WDR18: variants seen among roughly 807,000 people sequenced by gnomAD.
WDR18 encodes WD repeat domain 18.
WDR18 carries 33 observed loss-of-function variants against 49.6 expected under a neutral mutation model. That is an observed-to-expected ratio of 0.67 (90% confidence interval 0.50 to 0.89). WDR18 has a LOEUF of 0.89. Among genes scored for constraint, WDR18 ranks in the 40% least tolerant of loss-of-function variants. WDR18 has a pLI of 0.00. For missense variants in WDR18, 653 were observed against 593.6 expected (o/e 1.10, Z -1.04); for synonymous variants, 315 against 263.6 (o/e 1.19, Z -1.89).
chr19:986,520 C>T (rs980113178), intron 2 of WDR18, among the ~76,000 whole-genome samples: 5 of 152,300 alleles, frequency 3.3e-5, no homozygotes, highest in Non-Finnish European at 5.9e-5. Context: ...CCACCCGCCT[C>T]GGCCCCCCAG....
In WDR18 at chr19:990,229, G is replaced by T. The variant is rs1197614932; in HGVS notation, c.462G>T (p.Leu154=). 1 of 1,597,450 alleles carries T rather than the reference G, an allele frequency of 6.3e-7. No individual in the cohort carries two copies. Among genetic ancestry groups the T allele is most frequent in the African/African-American group, 1.3e-5 (1 of 74,946 alleles). The part of the protein sequence containing the change: ...LVLVWSLCSV[L]QADPSRIPAP... ...CCTGCCCCACCCCGCTCAGCGTGCT[G>T]CAGGCCGACCCCTCCAGGATTCCGG... The change falls in exon 4 of 10, where the codon CTG becomes CTT. Residue 154 remains leucine, a synonymous_variant. Coordinates refer to ENST00000585809, the MANE Select transcript of WDR18 (RefSeq NM_024100.4).
Position 990,253 on chromosome 19 carries a change from G to C in WDR18, c.486G>C (p.Pro162=). 6.3e-7 allele frequency: 1 copy of C among 1,598,674 alleles called. No homozygotes were observed. Among genetic ancestry groups the C allele is most frequent in the Non-Finnish European group, 8.5e-7 (1 of 1,179,182 alleles). The change falls in exon 4 of 10, where the codon CCG becomes CCC. Residue 162 remains proline, a synonymous_variant. Transcript: ENST00000585809. ...TGCAGGCCGACCCCTCCAGGATTCC[G>C]GCGCCCAGGCACGTCTGGTCTCACC... The part of the protein sequence containing the change: ...SVLQADPSRI[P]APRHVWSHHA...
chr19:988,641 G>A (rs946124491), intron 2 of WDR18, among the ~76,000 whole-genome samples: 4 of 152,192 alleles, frequency 2.6e-5, no homozygotes, highest in African/African-American at 7.2e-5. Flanking sequence ...CATCCTTGAG[G>A]CCAGACGTCC....
intron 2 of WDR18, among the ~76,000 whole-genome samples, chr19:987,069 A>G (rs1385565839): frequency 2.0e-5 from 3 of 152,216 alleles, no homozygotes; most frequent in Non-Finnish European, 4.4e-5. Flanking sequence ...GGGGATGGGC[A>G]TGGCGGCTCA....
chr19:990,563 C>A (rs2038531978), intron 4 of WDR18, 199 bp downstream of exon 4: 1 of 930,878 alleles, frequency 1.1e-6, no homozygotes, highest in Non-Finnish European at 1.5e-6. Context: ...CCGTTTCTGG[C>A]CCGGCTCCCT....
At position 985,937 on chromosome 19, in the gene WDR18, G is replaced by C. The variant is rs761796670; in HGVS notation, c.283G>C (p.Val95Leu). The change falls in exon 2 of 10, where the codon GTC (valine) becomes CTC (leucine). Residue 95 changes from valine to leucine, a missense_variant. Val to Leu is a conservative substitution (Grantham distance 32, BLOSUM62 1). Transcript: ENST00000585809. ...CLTASPNGLY[V>L]LAGVAESIHL... is the part of the protein sequence containing the mutation. ...GACTGCATCACCCAATGGTCTCTACGTCCTGGCAGGAGTTGCAGAAAGCAT... is the reference window on the plus strand; with the variant it reads ...GACTGCATCACCCAATGGTCTCTACCTCCTGGCAGGAGTTGCAGAAAGCAT... 22 of 1,613,852 alleles carry C rather than the reference G, an allele frequency of 1.4e-5. No homozygotes were observed. Among genetic ancestry groups the C allele is most frequent in the Non-Finnish European group, 1.9e-5 (22 of 1,179,986 alleles).
At chr19:992,335 C>T (rs2038570622) in intron 8 of WDR18, among the ~76,000 whole-genome samples, 2 of 152,240 alleles carry the variant, frequency 1.3e-5, no homozygotes, top group South Asian at 4.1e-4. Flanking sequence ...TTAACCACCC[C>T]TCTTCCCCCG....
intron 8 of WDR18, among the ~76,000 whole-genome samples, chr19:993,243 G>A (rs894838804): frequency 6.6e-6 from 1 of 152,220 alleles, no homozygotes; most frequent in Non-Finnish European, 1.5e-5. Flanking sequence ...CCAGCTCCAC[G>A]CTAGGGCGCC....
chr19:985,996 G>A, intron 2 of WDR18, 21 bp downstream of exon 2: 1 of 1,610,408 alleles, frequency 6.2e-7, no homozygotes, highest in Non-Finnish European at 8.5e-7. Flanking sequence ...CAAAGCGTGA[G>A]CGTTTCCCAC....
intron 1 of WDR18, among the ~76,000 whole-genome samples, 188 bp from the exon 2 acceptor site, chr19:985,677 C>T (rs992692782): frequency 6.6e-6 from 1 of 152,188 alleles, no homozygotes; most frequent in East Asian, 1.9e-4. Flanking sequence ...CCTCCAGCCT[C>T]GAAGCCTCTT....
intron 4 of WDR18, 77 bp from the exon 5 acceptor site, chr19:990,775 C>T: frequency 6.6e-7 from 1 of 1,515,278 alleles, no homozygotes; most frequent in Non-Finnish European, 8.8e-7. Flanking sequence ...CGCCTGACCT[C>T]CCTGGTGCCC....
rs3177032 is a variant in WDR18, at chr19:994,545, A to G, written c.*201A>G. 0.11 allele frequency: 84,079 copies of G among 751,484 alleles called. 5,366 individuals carry two copies. The highest frequency in any genetic ancestry group is 0.2 in the South Asian group (10,063 of 51,416). 46.6% of individuals were successfully genotyped at this position (751,484 alleles called of 1,614,324 possible). ...GGTGCTAGTCTGTTTTTAACAAAAG[A>G]GGATGAAAAGCCCCTCCTCTCCGGC... On this transcript the variant is annotated 3_prime_UTR_variant, in exon 10 of 10. Transcript: ENST00000585809.
intron 2 of WDR18, among the ~76,000 whole-genome samples, chr19:986,290 T>C (rs979676950): frequency 1.3e-5 from 2 of 152,172 alleles, no homozygotes; most frequent in Non-Finnish European, 2.9e-5. Context: ...GCCTGGCACT[T>C]GTGACTTGAA....
At position 992,135 on chromosome 19, in the gene WDR18, C is replaced by A; in HGVS notation, c.1098+14C>A. The A allele has an allele frequency of 6.9e-7, 1 of 1,447,516 alleles. No homozygotes were observed. The highest frequency in any genetic ancestry group is 9.0e-7 in the Non-Finnish European group (1 of 1,107,340). The allele number at this position is 1,447,516 out of a possible 1,614,324, so 89.7% of individuals were successfully genotyped here. ...CTCCACCAGCAGGTACGGCCCCCAGCAGGGAACCCCCACTGCCCTTTTGTC... is the reference window on the plus strand; with the variant it reads ...CTCCACCAGCAGGTACGGCCCCCAGAAGGGAACCCCCACTGCCCTTTTGTC... On this transcript the variant is annotated intron_variant, in intron 8 of 9. Transcript: ENST00000585809.
At chr19:991,421 C>T (rs2038546828) in intron 7 of WDR18, 70 bp downstream of exon 7, 9 of 532,668 alleles carry the variant, frequency 1.7e-5, no homozygotes, top group South Asian at 1.7e-4. Flanking sequence ...CCGGGCTTGG[C>T]TTGGGTGGGG....
In WDR18 at chr19:984,469, C is replaced by T. The variant is rs2038453098; in HGVS notation, c.116C>T (p.Ala39Val). ...CTGCTCACCTACCGCGGCGGCCAGG[C>T]GGGACCCCGCGGCCTGGCGCTGCTC... ...ANLLTYRGGQ[A>V]GPRGLALLNG... is the part of the protein sequence containing the mutation. The change falls in exon 1 of 10, where the codon GCG (alanine) becomes GTG (valine). Residue 39 changes from alanine (A) to valine (V), a missense_variant. Physicochemically the swap from Ala to Val is moderately conservative, Grantham distance 64. Transcript: ENST00000585809. The T allele has an allele frequency of 6.3e-7, 1 of 1,582,106 alleles. No homozygotes were observed. Among genetic ancestry groups the T allele is most frequent in the Non-Finnish European group, 8.6e-7 (1 of 1,166,422 alleles).
At chr19:993,946 C>A in intron 8 of WDR18, 74 bp from the exon 9 acceptor site, 1 of 1,509,260 alleles carries the variant, frequency 6.6e-7, no homozygotes, top group Non-Finnish European at 8.9e-7. Flanking sequence ...CCCACGCTGG[C>A]GGGGGTGGGA....
intron 4 of WDR18, 133 bp from the exon 5 acceptor site, chr19:990,719 C>CTTGG: frequency 7.5e-7 from 1 of 1,330,768 alleles, no homozygotes. Context: ...CACATGGTGA[C>CTTGG]GGCTTTCACC....
At chr19:983,517 C>A (rs1054552434), upstream of WDR18, among the ~76,000 whole-genome samples, 13 of 150,732 alleles carry the variant, frequency 8.6e-5, no homozygotes, top group Non-Finnish European at 1.6e-4. Flanking sequence ...CCACCTCGGC[C>A]TCCCAAAGTG....
Sources: gnomAD v4.1 joint callset for allele counts (sites outside exome capture counted in the v4.1 genomes callset) on GRCh38, gnomAD v4.1.1 for gene constraint, MANE v1.5 for transcripts, NCBI Gene and HGNC (gene_info 2026-07-23, HGNC 2026-07-21) for gene names.